LRRC53: variants seen among roughly 807,000 people sequenced by gnomAD.
LRRC53 encodes leucine rich repeat containing 53.
A neutral mutation model predicts 13.6 loss-of-function variants in LRRC53; 25 were observed. The ratio of observed to expected loss-of-function variants is 1.83; its 90% CI spans 1.34 to 2.56. LRRC53 has a LOEUF of 2.56. Among genes scored for constraint, LRRC53 ranks in the 30% most tolerant of loss-of-function variants. LRRC53 has a pLI of 0.00. For synonymous variants in LRRC53, 204 were observed against 109.8 expected (o/e 1.86, Z -5.37); for missense variants, 527 against 275.8 (o/e 1.91, Z -6.45).
chr1:74,501,255 T>C (rs186921947), intron 1 of LRRC53, among the ~76,000 whole-genome samples: 1 of 152,354 alleles, frequency 6.6e-6, no homozygotes, highest in East Asian at 1.9e-4. Flanking sequence ...ATTTAATGTG[T>C]TGTTTACTTT....
Position 74,471,415 on chromosome 1 carries a change from G to C in LRRC53, c.2207C>G (p.Ser736Ter), listed in dbSNP as rs1457751270. 2.5e-6 allele frequency: 1 copy of C among 400,540 alleles called. No homozygotes were observed. The highest frequency in any genetic ancestry group is 4.4e-6 in the Non-Finnish European group (1 of 226,154). 24.8% of individuals were successfully genotyped at this position (400,540 alleles called of 1,614,324 possible). ...KVRVHPEKSL[S>*]SLPKQCKQVL... ...CTGCTTGCATTGCTTTGGGAGACTT[G>C]ACAAGGATTTTTCTGGATGGACTCT... The change falls in exon 5 of 5, where the codon TCA becomes TGA. Residue 736 changes from serine (S) to a stop codon, truncating the protein, a stop_gained. Transcript: ENST00000294635. LOFTEE classifies it low-confidence loss of function (END_TRUNC).
rs1248424801 is a variant in LRRC53, at chr1:74,475,579, A to G, written c.1136T>C (p.Leu379Ser). ...TGTTGCTTGATGGCTATTTTCCTGT[A>G]AAAGTGGCATTTCTTTTCTGGACCC... ...TVGSRKEMPL[L>S]QENSHQATSA... is the part of the protein sequence containing the mutation. Residue 379 changes from leucine to serine, a missense_variant, in exon 4 of 5, where the codon TTA becomes TCA. By Grantham distance (145) the Leu-to-Ser change is moderately radical. Coordinates refer to ENST00000294635, the MANE Select transcript of LRRC53 (RefSeq NM_001382280.1). 3.6e-5 allele frequency: 26 copies of G among 717,362 alleles called. No homozygotes were observed. The East Asian group carries it at 5.6e-4, about 16-fold the overall frequency. 44.4% of individuals were successfully genotyped at this position (717,362 alleles called of 1,614,324 possible). A position where few individuals can be genotyped will look rare whatever the true frequency, so the allele number is the denominator to read the frequency against.
At chr1:74,510,196 A>G (rs1328088609) in intron 1 of LRRC53, among the ~76,000 whole-genome samples, 2 of 152,140 alleles carry the variant, frequency 1.3e-5, no homozygotes, top group Admixed American at 6.5e-5. Context: ...AGAGAGGGCA[A>G]TCAGTTCTCA....
In LRRC53 at chr1:74,471,981, A is replaced by AT. The variant is rs758068850; in HGVS notation, c.1640dup (p.Asn547LysfsTer2). The AT allele has an allele frequency of 1.6e-4, 98 of 628,758 alleles. 2 individuals are homozygous for AT. In the Admixed American group the frequency reaches 2.5e-3, roughly 16 times the overall value. The allele number at this position is 628,758 out of a possible 1,614,324, so 38.9% of individuals were successfully genotyped here. A position where few individuals can be genotyped will look rare whatever the true frequency, so the allele number is the denominator to read the frequency against. On this transcript the variant is annotated frameshift_variant, in exon 5 of 5. Transcript: ENST00000294635. LOFTEE classifies it low-confidence loss of function (END_TRUNC). Reference sequence around the variant, plus strand: ...CACAAGGATCATCATATTTTGATCTATTTTTTTGTACGATCTTTTGTACAT... The same window carrying AT: ...CACAAGGATCATCATATTTTGATCTATTTTTTTTGTACGATCTTTTGTACAT...
At chr1:74,489,023 A>C (rs1357203590) in intron 1 of LRRC53, among the ~76,000 whole-genome samples, 1 of 152,256 alleles carries the variant, frequency 6.6e-6, no homozygotes, top group Admixed American at 6.5e-5. Context: ...CTCCATGAAC[A>C]GCAAATGAAC....
the LRRC53 span, among the ~76,000 whole-genome samples, chr1:74,531,629 C>T: frequency 2.0e-5 from 3 of 152,152 alleles, no homozygotes; most frequent in African/African-American, 7.2e-5. Context: ...ATTTATTATC[C>T]TAGTGTAAAC....
upstream of LRRC53, among the ~76,000 whole-genome samples, chr1:74,517,225 T>A (rs1228039096): frequency 6.6e-6 from 1 of 152,182 alleles, no homozygotes; most frequent in African/African-American, 2.4e-5. Flanking sequence ...TAATCCAATT[T>A]TACAGATGGG....
intron 1 of LRRC53, among the ~76,000 whole-genome samples, chr1:74,509,221 T>C (rs1052349323): frequency 2.0e-5 from 3 of 152,220 alleles, no homozygotes; most frequent in Non-Finnish European, 4.4e-5. Flanking sequence ...TTTGACAGTG[T>C]TGACCATTCC....
At chr1:74,482,435 G>T (rs1365112928) in intron 2 of LRRC53, among the ~76,000 whole-genome samples, 1 of 152,158 alleles carries the variant, frequency 6.6e-6, no homozygotes, top group African/African-American at 2.4e-5. Flanking sequence ...CATTTTAGAT[G>T]GTGAGAGTTT....
chr1:74,492,892 C>G (rs1026455630), intron 1 of LRRC53, among the ~76,000 whole-genome samples: 2 of 152,178 alleles, frequency 1.3e-5, no homozygotes, highest in Non-Finnish European at 2.9e-5. Context: ...AGATCAGGTT[C>G]AGCATGGTTG....
chr1:74,496,350 T>C (rs946629538), intron 1 of LRRC53, among the ~76,000 whole-genome samples: 10 of 152,300 alleles, frequency 6.6e-5, no homozygotes, highest in African/African-American at 2.4e-4. Flanking sequence ...ACCACTAACT[T>C]CTGATCTTTG....
the LRRC53 span, among the ~76,000 whole-genome samples, chr1:74,534,464 C>G: frequency 1.3e-5 from 2 of 152,032 alleles, no homozygotes; most frequent in Non-Finnish European, 2.9e-5. Context: ...GCTCCAATAC[C>G]AAAAACATTT....
intron 1 of LRRC53, among the ~76,000 whole-genome samples, chr1:74,508,588 A>G (rs1428087817): frequency 6.6e-6 from 1 of 152,326 alleles, no homozygotes; most frequent in East Asian, 1.9e-4. Context: ...GGCAGACTGC[A>G]TTCAGAGGAT....
At chr1:74,530,605 T>C in the LRRC53 span, among the ~76,000 whole-genome samples, 1 of 152,176 alleles carries the variant, frequency 6.6e-6, no homozygotes, top group African/African-American at 2.4e-5. Context: ...CTATATGAAC[T>C]GGGATAGGTT....
chr1:74,489,710 T>G (rs1289184606), intron 1 of LRRC53, among the ~76,000 whole-genome samples: 1 of 152,176 alleles, frequency 6.6e-6, no homozygotes, highest in Non-Finnish European at 1.5e-5. Context: ...TTGCTTAATG[T>G]GATATATGTT....
upstream of LRRC53, among the ~76,000 whole-genome samples, chr1:74,517,263 C>G (rs1447230488): frequency 6.6e-6 from 1 of 152,172 alleles, no homozygotes; most frequent in Non-Finnish European, 1.5e-5. Context: ...TTATTATATT[C>G]TGTCAGGTCA....
intron 1 of LRRC53, among the ~76,000 whole-genome samples, chr1:74,508,563 G>A (rs1437907289): frequency 6.6e-6 from 1 of 152,164 alleles, no homozygotes; most frequent in Non-Finnish European, 1.5e-5. Flanking sequence ...TTAAAAAATA[G>A]CCCACAGGCC....
At chr1:74,479,720 G>C (rs1199038497) in intron 3 of LRRC53, among the ~76,000 whole-genome samples, 4 of 152,194 alleles carry the variant, frequency 2.6e-5, no homozygotes, top group Non-Finnish European at 5.9e-5. Flanking sequence ...GCACACAAAT[G>C]TAAGTGCCTT....
intron 1 of LRRC53, among the ~76,000 whole-genome samples, chr1:74,509,741 G>T (rs904311346): frequency 2.8e-4 from 33 of 119,038 alleles, no homozygotes; most frequent in Non-Finnish European, 4.9e-4. Context: ...TGAGTGATCT[G>T]AATTTCTTTT....
Sources: gnomAD v4.1 joint callset for allele counts (sites outside exome capture counted in the v4.1 genomes callset) on GRCh38, gnomAD v4.1.1 for gene constraint, MANE v1.5 for transcripts, NCBI Gene and HGNC (gene_info 2026-07-23, HGNC 2026-07-21) for gene names.